The following NEK11 variants were observed in gnomAD, a reference collection of about 807,000 sequenced individuals.
NEK11 encodes serine/threonine-protein kinase Nek11.
A neutral mutation model predicts 80.7 loss-of-function variants in NEK11; 72 were observed. The ratio of observed to expected loss-of-function variants is 0.89; its 90% CI spans 0.74 to 1.08. NEK11 has a LOEUF of 1.08. Among genes scored for constraint, NEK11 ranks in the 50% least tolerant of loss-of-function variants. The pLI, the probability that NEK11 is intolerant of heterozygous loss-of-function variation, is 0.00. For missense variants in NEK11, 764 were observed against 763.6 expected (o/e 1.00, Z -0.01); for synonymous variants, 251 against 260.7 (o/e 0.96, Z 0.36).
At chr3:131,090,956 A>T (rs1251369458) in intron 4 of NEK11, among the ~76,000 whole-genome samples, 1 of 152,078 alleles carries the variant, frequency 6.6e-6, no homozygotes, top group Non-Finnish European at 1.5e-5. Flanking sequence ...TAGAGATGGG[A>T]TCTTGCTATG....
At chr3:131,237,350 G>A (rs1202558782) in intron 15 of NEK11, among the ~76,000 whole-genome samples, 1 of 152,062 alleles carries the variant, frequency 6.6e-6, no homozygotes, top group African/African-American at 2.4e-5. Flanking sequence ...AACACTTTTA[G>A]AAATGCAACA....
intron 4 of NEK11, among the ~76,000 whole-genome samples, chr3:131,092,329 A>G (rs2076854654): frequency 6.6e-6 from 1 of 152,240 alleles, no homozygotes; most frequent in South Asian, 2.1e-4. Context: ...ACTTGAGAGA[A>G]TATAGAACAC....
intron 17 of NEK11, among the ~76,000 whole-genome samples, chr3:131,314,459 A>G (rs1014908742): frequency 1.3e-5 from 2 of 152,232 alleles, no homozygotes; most frequent in South Asian, 2.1e-4. Flanking sequence ...ATTCACCATG[A>G]CATTCACAGA....
rs576280711 is a variant in NEK11, at chr3:131,110,051, A to G, written c.455+130A>G. On this transcript the variant is annotated intron_variant, in intron 5 of 17. Coordinates refer to ENST00000383366, the MANE Select transcript of NEK11 (RefSeq NM_024800.5). Reference sequence around the variant, plus strand: ...GGTATATGGCTAAAATTAAACATCTATAATATGTTTTTCCTTGAGAAAACT... The same window carrying G: ...GGTATATGGCTAAAATTAAACATCTGTAATATGTTTTTCCTTGAGAAAACT... 5 of 881,166 alleles carry G rather than the reference A, an allele frequency of 5.7e-6. No individual in the cohort carries two copies. In the African/African-American group the frequency reaches 7.0e-5, roughly 12 times the overall value. 54.6% of individuals were successfully genotyped at this position (881,166 alleles called of 1,614,324 possible). A position where few individuals can be genotyped will look rare whatever the true frequency, so the allele number is the denominator to read the frequency against.
At chr3:131,333,967 GC>G (rs2097138335) in intron 17 of NEK11, among the ~76,000 whole-genome samples, 1 of 152,122 alleles carries the variant, frequency 6.6e-6, no homozygotes. Context: ...GATTCATAAA[GC>G]AAGTCCTGAG....
intron 16 of NEK11, among the ~76,000 whole-genome samples, chr3:131,252,138 A>G (rs1226425577): frequency 6.6e-6 from 1 of 152,126 alleles, no homozygotes; most frequent in African/African-American, 2.4e-5. Context: ...TTGTTAATAT[A>G]TGTCAGAATG....
chr3:131,209,233 T>A (rs2094536183), intron 14 of NEK11, among the ~76,000 whole-genome samples: 1 of 152,164 alleles, frequency 6.6e-6, no homozygotes, highest in African/African-American at 2.4e-5. Flanking sequence ...AAAGAGATAA[T>A]CATGTGGTTT....
intron 17 of NEK11, among the ~76,000 whole-genome samples, chr3:131,276,246 A>G (rs550149939): frequency 6.6e-6 from 1 of 152,358 alleles, no homozygotes; most frequent in African/African-American, 2.4e-5. Context: ...GCATACTCAG[A>G]GATGGAGATT....
chr3:131,086,567 C>T (rs1322765592), intron 4 of NEK11, among the ~76,000 whole-genome samples: 2 of 152,140 alleles, frequency 1.3e-5, no homozygotes, highest in African/African-American at 4.8e-5. Flanking sequence ...CAGATTGGCT[C>T]CTGTGTCTTT....
chr3:131,134,076 G>T, intron 7 of NEK11, 120 bp downstream of exon 7: 3 of 838,464 alleles, frequency 3.6e-6, no homozygotes, highest in Non-Finnish European at 5.1e-6. Context: ...GAATATTTCT[G>T]TGACCAGAGT....
intron 16 of NEK11, among the ~76,000 whole-genome samples, chr3:131,248,606 G>C (rs1204567423): frequency 6.6e-6 from 1 of 152,006 alleles, no homozygotes; most frequent in Non-Finnish European, 1.5e-5. Context: ...CCCGTGGAAA[G>C]CTGGATCACA....
intron 17 of NEK11, among the ~76,000 whole-genome samples, chr3:131,276,047 C>T (rs1257326296): frequency 6.6e-6 from 1 of 152,108 alleles, no homozygotes; most frequent in African/African-American, 2.4e-5. Context: ...TTCACCTTGG[C>T]CTTCACAGAG....
At chr3:131,203,144 G>A (rs1024041140) in intron 14 of NEK11, among the ~76,000 whole-genome samples, 4 of 151,994 alleles carry the variant, frequency 2.6e-5, no homozygotes, top group Admixed American at 6.6e-5. Context: ...GTTTATTGTG[G>A]CACTATTCAC....
At chr3:131,115,146 A>G (rs755863565) in intron 5 of NEK11, among the ~76,000 whole-genome samples, 4 of 152,188 alleles carry the variant, frequency 2.6e-5, no homozygotes, top group Non-Finnish European at 5.9e-5. Context: ...TGATGGCTTG[A>G]ATGGAACAAA....
intron 17 of NEK11, among the ~76,000 whole-genome samples, chr3:131,277,136 G>C (rs190581435): frequency 4.6e-5 from 7 of 152,256 alleles, no homozygotes; most frequent in Admixed American, 2.0e-4. Flanking sequence ...ATTATAGGAA[G>C]TTTCAGCCAC....
chr3:131,285,004 G>A (rs1216441988), intron 17 of NEK11, among the ~76,000 whole-genome samples: 2 of 152,074 alleles, frequency 1.3e-5, no homozygotes, highest in African/African-American at 2.4e-5. Context: ...TATTAGTTCT[G>A]TCCCTCTAGA....
intron 3 of NEK11, among the ~76,000 whole-genome samples, chr3:131,030,349 T>A (rs535440593): frequency 1.3e-5 from 2 of 152,320 alleles, no homozygotes; most frequent in Non-Finnish European, 2.9e-5. Flanking sequence ...TTAAAGGCAT[T>A]TCAGCAGGTG....
At chr3:131,212,323 C>T (rs78740760) in intron 14 of NEK11, among the ~76,000 whole-genome samples, 2 of 152,178 alleles carry the variant, frequency 1.3e-5, no homozygotes, top group Non-Finnish European at 2.9e-5. Context: ...TATTGCAGAA[C>T]AGCAAATATT....
At chr3:131,228,872 G>A (rs72989890) in intron 15 of NEK11, among the ~76,000 whole-genome samples, 184 bp downstream of exon 15, 7,400 of 152,092 alleles carry the variant, frequency 0.049, 501 homozygotes, top group African/African-American at 0.15. Flanking sequence ...ATGGAATTTG[G>A]AGAATCTGAT....
Sources: allele counts gnomAD v4.1 joint callset (sites outside exome capture counted in the v4.1 genomes callset), GRCh38; gene constraint gnomAD v4.1.1; transcripts MANE v1.5; gene names NCBI Gene and HGNC (gene_info 2026-07-23, HGNC 2026-07-21).